The following SYNE2 variants were observed in gnomAD, a reference collection of about 807,000 sequenced individuals.
SYNE2 encodes the protein nesprin-2.
Under a neutral mutation model 856.3 loss-of-function variants are expected in SYNE2, and 431 were observed. The ratio of observed to expected loss-of-function variants is 0.50; its 90% CI spans 0.47 to 0.55. SYNE2 has a LOEUF of 0.55. Among genes scored for constraint, SYNE2 ranks in the 20% least tolerant of loss-of-function variants. SYNE2 has a pLI of 0.00. For synonymous variants in SYNE2, 2,923 were observed against 2,872.3 expected (o/e 1.02, Z -0.56); for missense variants, 8,129 against 8,023.2 (o/e 1.01, Z -0.50).
intron 1 of SYNE2, among the ~76,000 whole-genome samples, chr14:63,901,910 A>G (rs572027624): frequency 8.5e-5 from 13 of 152,208 alleles, no homozygotes; most frequent in African/African-American, 3.1e-4. Flanking sequence ...GGGTGACAGA[A>G]TGAAAACTTG....
In SYNE2 at chr14:64,048,048, C is replaced by T; in HGVS notation, c.7270C>T (p.Gln2424Ter). The T allele has an allele frequency of 6.2e-7, 1 of 1,613,628 alleles. No individual in the cohort carries two copies. Among genetic ancestry groups the T allele is most frequent in the Non-Finnish European group, 8.5e-7 (1 of 1,179,788 alleles). ...GTCAAAACAACTTTCTCTTAATGCT[C>T]AAGAAAGCATGAAAAACACTGAAGA... Reference protein sequence around the residue: ...AMSKQLSLNAQESMKNTEDER... With the variant: ...AMSKQLSLNA The change falls in exon 46 of 116, where the codon CAA becomes TAA. Residue 2424 changes from glutamine to a stop codon, truncating the protein, a stop_gained. Transcript: ENST00000555002. LOFTEE classifies it high-confidence loss of function.
intron 3 of SYNE2, 105 bp downstream of exon 3, chr14:63,940,780 C>T: frequency 4.1e-6 from 4 of 967,250 alleles, no homozygotes; most frequent in Middle Eastern, 2.3e-4. Context: ...CTGGTGATGA[C>T]AGGGAAAAGG....
chr14:64,017,978 T>C (rs1455856686), intron 34 of SYNE2, among the ~76,000 whole-genome samples: 1 of 152,228 alleles, frequency 6.6e-6, no homozygotes, highest in Non-Finnish European at 1.5e-5. Flanking sequence ...TGTTATATAA[T>C]GGGGAAACGT....
At chr14:64,162,557 T>C (rs2098337572) in intron 88 of SYNE2, 2 of 458,996 alleles carry the variant, frequency 4.4e-6, no homozygotes, top group East Asian at 8.8e-5. Context: ...AAGCTTCATA[T>C]GAAATCTGAA....
At position 64,134,081 on chromosome 14, in the gene SYNE2, T is replaced by C. The variant is rs1357447966; in HGVS notation, c.14527T>C (p.Phe4843Leu). Residue 4843 changes from phenylalanine (F) to leucine (L), a missense_variant, in exon 78 of 116, where the codon TTT becomes CTT. By Grantham distance (22) the Phe-to-Leu change is conservative (BLOSUM62 0). Around this residue, in one of 3 missense-constraint regions of SYNE2, gnomAD observed 5,410 missense variants for 5,284.8 expected, o/e 1.02. Coordinates refer to ENST00000555002, the MANE Select transcript of SYNE2 (RefSeq NM_182914.3). The stretch of plus-strand genomic sequence containing the variant: ...CTTGATTCTCTAGAAATGGGAAGAA[T>C]TTGATGAAAACTATGCATCTCTTGA... ...LQSLLQKWEE[F>L]DENYASLEKD... 1.2e-6 allele frequency: 2 copies of C among 1,614,098 alleles called. No individual in the cohort carries two copies. The highest frequency in any genetic ancestry group is 4.5e-5 in the East Asian group (2 of 44,866).
At chr14:64,154,449 A>G (rs747566325) in intron 85 of SYNE2, among the ~76,000 whole-genome samples, 1 of 152,216 alleles carries the variant, frequency 6.6e-6, no homozygotes, top group Non-Finnish European at 1.5e-5. Flanking sequence ...CCTAGAATAT[A>G]TGAAGATTTA....
chr14:63,981,262 A>G, intron 16 of SYNE2, 89 bp downstream of exon 16: 1 of 1,179,808 alleles, frequency 8.5e-7, no homozygotes, highest in African/African-American at 1.5e-5. Flanking sequence ...ATGAGAAAAC[A>G]GAGAAGAGTA....
chr14:63,793,378 G>T (rs1302161729), intron 1 of SYNE2, among the ~76,000 whole-genome samples: 1 of 152,200 alleles, frequency 6.6e-6, no homozygotes, highest in African/African-American at 2.4e-5. Context: ...TCTGCAATCT[G>T]AACTTTCCAG....
chr14:64,029,627 CAAAT>C (rs1286547513), intron 43 of SYNE2, among the ~76,000 whole-genome samples: 2 of 151,976 alleles, frequency 1.3e-5, no homozygotes, highest in African/African-American at 2.4e-5. Context: ...AACATCTTGA[CAAAT>C]AAATTATCTT....
chr14:64,106,387 C>T (rs1015003125), intron 64 of SYNE2, among the ~76,000 whole-genome samples: 10 of 152,014 alleles, frequency 6.6e-5, no homozygotes, highest in Admixed American at 1.3e-4. Flanking sequence ...TGGTGGCTCA[C>T]GCCTGTAATC....
chr14:64,011,071 A>G (rs1023784454), intron 32 of SYNE2, among the ~76,000 whole-genome samples: 13 of 152,254 alleles, frequency 8.5e-5, no homozygotes, highest in African/African-American at 2.9e-4. Context: ...CAAGAGCAGC[A>G]TCAGTGAAAG....
chr14:64,030,037 AG>A lies in SYNE2; in HGVS notation c.6859del (p.Glu2287LysfsTer9). On this transcript the variant is annotated frameshift_variant, in exon 44 of 116. Coordinates refer to ENST00000555002, the MANE Select transcript of SYNE2 (RefSeq NM_182914.3). LOFTEE classifies it high-confidence loss of function. ...AAGCCTGTGGATCAAATAGCGGTTG[AG>A]GAAAAATTGCAGAAACTGCAGGTAC... Reference protein sequence around the residue: ...SDKPVDQIAVEEKLQKLQELE... With the variant: ...SDKPVDQIAVXEKLQKLQELE... 1 of 1,614,140 alleles carries A rather than the reference AG, an allele frequency of 6.2e-7. No individual in the cohort carries two copies. The highest frequency in any genetic ancestry group is 8.5e-7 in the Non-Finnish European group (1 of 1,179,994).
intron 45 of SYNE2, among the ~76,000 whole-genome samples, chr14:64,046,808 G>A (rs111550906): frequency 2.6e-5 from 4 of 152,344 alleles, no homozygotes; most frequent in East Asian, 1.9e-4. Flanking sequence ...TCTGGGTGCC[G>A]AGACAGGAGC....
chr14:64,155,601 T>C (rs1595884311), intron 85 of SYNE2, among the ~76,000 whole-genome samples: 3 of 149,882 alleles, frequency 2.0e-5, no homozygotes, highest in Admixed American at 6.7e-5. Flanking sequence ...GCAGAAGGCG[T>C]GAGGCACAGA....
At chr14:63,868,727 TGC>T (rs1453458323) in intron 1 of SYNE2, among the ~76,000 whole-genome samples, 1 of 151,844 alleles carries the variant, frequency 6.6e-6, no homozygotes, top group African/African-American at 2.4e-5. Flanking sequence ...TGTGCATGTG[TGC>T]GTGTGTGTGT....
At chr14:64,186,361 G>C (rs2098490881) in intron 96 of SYNE2, 63 bp from the exon 97 acceptor site, 5 of 1,606,202 alleles carry the variant, frequency 3.1e-6, no homozygotes, top group Admixed American at 3.3e-5. Flanking sequence ...TTAGCCTACA[G>C]GTTTGGAAAC....
At chr14:64,120,362 A>G (rs982705731) in intron 67 of SYNE2, among the ~76,000 whole-genome samples, 2 of 152,364 alleles carry the variant, frequency 1.3e-5, no homozygotes, top group East Asian at 1.9e-4. Flanking sequence ...AAAAAAGGCA[A>G]TACATTTTCT....
chr14:63,892,956 A>C (rs1307449575), intron 1 of SYNE2, among the ~76,000 whole-genome samples: 2 of 152,130 alleles, frequency 1.3e-5, no homozygotes, highest in Non-Finnish European at 2.9e-5. Flanking sequence ...ATAAGATCAG[A>C]TATTATATGT....
At chr14:63,897,563 G>A (rs1343403659) in intron 1 of SYNE2, among the ~76,000 whole-genome samples, 2 of 152,180 alleles carry the variant, frequency 1.3e-5, no homozygotes, top group Admixed American at 1.3e-4. Context: ...TTAGTTGGCA[G>A]AAATGAGCAT....
Sources: gnomAD v4.1 joint callset for allele counts (sites outside exome capture counted in the v4.1 genomes callset) on GRCh38, gnomAD v4.1.1 for gene constraint, gnomAD v4.1.1 regional missense constraint, MANE v1.5 for transcripts, NCBI Gene and HGNC (gene_info 2026-07-23, HGNC 2026-07-21) for gene names.